DISC1: variants seen among roughly 807,000 people sequenced by gnomAD.
The protein encoded by DISC1 is disrupted in schizophrenia 1 protein.
In DISC1, 57 loss-of-function variants were observed where a neutral mutation model predicts 84.5. The ratio of observed to expected loss-of-function variants is 0.67; its 90% confidence interval spans 0.55 to 0.84. The LOEUF is 0.84. DISC1 is among the 40% of genes least tolerant of loss of function. The pLI is 0.00. For synonymous variants in DISC1, 411 were observed against 415.2 expected, an observed-to-expected ratio of 0.99 and a Z score of 0.12; for missense variants, 1,000 against 1,057.8, an observed-to-expected ratio of 0.95 and a Z score of 0.76.
At chr1:231,752,990 C>T (rs1472256585) in intron 4 of DISC1, among the ~76,000 whole-genome samples, 2 of 152,228 alleles carry the variant, frequency 1.3e-5, no homozygotes, top group African/African-American at 2.4e-5. Flanking sequence ...CTTGGGCAGC[C>T]CTGCCCTTGT....
Position 231,818,479 on chromosome 1 carries a change from G to A in DISC1, c.1943G>A (p.Arg648Lys), listed in dbSNP as rs2081250433. ...KLGSVKEDYN[R>K]LRREVEHQET... ...GGAAGTGTTAAAGAAGATTACAACAGACTGAGAAGAGAAGTGGAGCACCAG... is the reference window on the plus strand; with the variant it reads ...GGAAGTGTTAAAGAAGATTACAACAAACTGAGAAGAGAAGTGGAGCACCAG... The change falls in exon 9 of 13, where the codon AGA becomes AAA. Residue 648 changes from arginine (R) to lysine (K), a missense_variant. By Grantham distance (26) the Arg-to-Lys change is conservative (BLOSUM62 2). Coordinates refer to ENST00000439617, the MANE Select transcript of DISC1 (RefSeq NM_018662.3). 6.2e-7 allele frequency: 1 copy of A among 1,614,190 alleles called. No homozygotes were observed.
chr1:231,799,907 C>T (rs1441095301), intron 7 of DISC1, among the ~76,000 whole-genome samples: 1 of 54,370 alleles, frequency 1.8e-5, no homozygotes. Context: ...CTCCCTTCCT[C>T]CCTTCTTCCC....
chr1:231,923,902 C>G (rs1015032124), intron 9 of DISC1, among the ~76,000 whole-genome samples: 2 of 152,142 alleles, frequency 1.3e-5, no homozygotes, highest in Non-Finnish European at 2.9e-5. Flanking sequence ...AGAATTGTTT[C>G]CACCAGAGGA....
At chr1:231,828,368 A>G (rs1266569739) in intron 9 of DISC1, among the ~76,000 whole-genome samples, 1 of 152,106 alleles carries the variant, frequency 6.6e-6, no homozygotes, top group Non-Finnish European at 1.5e-5. Context: ...TATACCCTTC[A>G]CCCAACTCCA....
At chr1:231,876,183 A>G (rs1026945756) in intron 9 of DISC1, among the ~76,000 whole-genome samples, 1 of 152,198 alleles carries the variant, frequency 6.6e-6, no homozygotes. Context: ...TCCTTCATGA[A>G]TAGTTTAGCA....
Position 231,759,307 on chromosome 1 carries a change from A to C in DISC1, c.1269-7833A>C, listed in dbSNP as rs116683427. On this transcript the variant is annotated intron_variant, in intron 4 of 12. Transcript: ENST00000439617. ...GCTCTAAGCCCTTGAGATTGGAATC[A>C]AGATACACTGTATGAGACCAGAAAA... Among the ~76,000 whole-genome samples, 432 of 152,316 alleles carry C rather than the reference A, an allele frequency of 2.8e-3. 4 individuals carry two copies. Among genetic ancestry groups the C allele is most frequent in the African/African-American group, 9.9e-3 (411 of 41,570 alleles).
chr1:231,645,031 T>C (rs148650939), intron 1 of DISC1, among the ~76,000 whole-genome samples: 148 of 152,220 alleles, frequency 9.7e-4, no homozygotes, highest in African/African-American at 3.5e-3. Context: ...GTGGACATTA[T>C]TGGTAGTTTA....
In DISC1 at chr1:232,038,944, A is replaced by G. The variant is rs1008097853; in HGVS notation, c.*2113A>G. On this transcript the variant is annotated 3_prime_UTR_variant, in exon 13 of 13. Coordinates refer to ENST00000439617, the MANE Select transcript of DISC1 (RefSeq NM_018662.3). Reference sequence around the variant, plus strand: ...AGCACTTCTGTCCTCAGTCAAGGAGATGGCCATGCTTAAGCCAGCAATTGG... The same window carrying G: ...AGCACTTCTGTCCTCAGTCAAGGAGGTGGCCATGCTTAAGCCAGCAATTGG... 6.6e-6 allele frequency: 1 copy of G among 152,216 alleles called. No individual in the cohort carries two copies. Among genetic ancestry groups the G allele is most frequent in the East Asian group, 1.9e-4 (1 of 5,192 alleles). The allele number at this position is 152,216 out of a possible 1,614,324, so 9.4% of individuals were successfully genotyped here. A position where few individuals can be genotyped will look rare whatever the true frequency, so the allele number is the denominator to read the frequency against.
intron 4 of DISC1, among the ~76,000 whole-genome samples, chr1:231,763,029 C>T (rs1011507139): frequency 1.3e-5 from 2 of 152,208 alleles, no homozygotes; most frequent in East Asian, 1.9e-4. Flanking sequence ...GCACTCTCCA[C>T]GTTGCACTGC....
chr1:232,026,374 C>A (rs1278148004), intron 11 of DISC1, 61 bp from the exon 12 acceptor site: 1 of 1,202,176 alleles, frequency 8.3e-7, no homozygotes, highest in Admixed American at 2.1e-5. Flanking sequence ...GGAAGCTTCC[C>A]TTTGTGTTCT....
chr1:231,951,211 G>A (rs981668839), intron 9 of DISC1, among the ~76,000 whole-genome samples: 5 of 152,212 alleles, frequency 3.3e-5, no homozygotes, highest in African/African-American at 9.7e-5. Flanking sequence ...TGAAAAGCTG[G>A]AAGAATGAGT....
At chr1:231,809,524 GA>G (rs10692560) in intron 8 of DISC1, among the ~76,000 whole-genome samples, 19,220 of 123,672 alleles carry the variant, frequency 0.16, 1,318 homozygotes, top group Middle Eastern at 0.19. Context: ...TTTTTTTTTT[GA>G]AAAAAAAAAA....
intron 3 of DISC1, among the ~76,000 whole-genome samples, chr1:231,722,103 A>G (rs2069837213): frequency 6.6e-6 from 1 of 150,778 alleles, no homozygotes; most frequent in Admixed American, 6.6e-5. Flanking sequence ...CAGTGAGCCA[A>G]GATCGCGCCA....
At chr1:231,766,913 G>T (rs751533300) in intron 4 of DISC1, among the ~76,000 whole-genome samples, 1 of 152,100 alleles carries the variant, frequency 6.6e-6, no homozygotes, top group Non-Finnish European at 1.5e-5. Context: ...AGACAGTGCA[G>T]GTCCCATAAT....
intron 2 of DISC1, 45 bp downstream of exon 2, chr1:231,694,850 C>T (rs1382655818): frequency 1.9e-6 from 3 of 1,602,604 alleles, no homozygotes; most frequent in African/African-American, 2.7e-5. Context: ...GTCGTGAGCT[C>T]AGATTAGCAC....
chr1:231,785,221 CTGTGTGTG>C (rs71573141), intron 6 of DISC1, among the ~76,000 whole-genome samples: 16,207 of 136,276 alleles, frequency 0.12, 1,168 homozygotes, highest in Non-Finnish European at 0.15. Flanking sequence ...ACAGATTTGT[CTGTGTGTG>C]TGTGTGTGTG....
chr1:231,779,567 T>TC (rs1473839271), intron 6 of DISC1, among the ~76,000 whole-genome samples: 278 of 144,968 alleles, frequency 1.9e-3, no homozygotes, highest in African/African-American at 6.7e-3. Flanking sequence ...TTTTTTTTTT[T>TC]TTTTTTTTTT....
At chr1:231,723,942 A>C in intron 3 of DISC1, 2 of 985,432 alleles carry the variant, frequency 2.0e-6, no homozygotes, top group Non-Finnish European at 2.4e-6. Flanking sequence ...TGGCTTTCAC[A>C]GTTTGTGATG....
At chr1:231,955,235 C>T (rs2102730911) in intron 9 of DISC1, among the ~76,000 whole-genome samples, 1 of 152,300 alleles carries the variant, frequency 6.6e-6, no homozygotes, top group African/African-American at 2.4e-5. Flanking sequence ...GTGATACTGT[C>T]CAGTCTCATT....
Sources: allele counts gnomAD v4.1 joint callset (sites outside exome capture counted in the v4.1 genomes callset), GRCh38; gene constraint gnomAD v4.1.1; transcripts MANE v1.5; gene names NCBI Gene and HGNC (gene_info 2026-07-23, HGNC 2026-07-21).